The following LTN1 variants were observed in gnomAD, a reference collection of about 807,000 sequenced individuals.
LTN1 encodes E3 ubiquitin-protein ligase listerin.
LTN1 carries 88 observed loss-of-function variants against 201.2 expected under a neutral mutation model. That is an observed-to-expected ratio of 0.44 (90% CI 0.37 to 0.52). The LOEUF is 0.52. Ranked by LOEUF, LTN1 falls within the 20% of genes least tolerant of loss-of-function variation. The probability of loss-of-function intolerance (pLI) is 0.00; values close to 1 mark genes in which losing one functional copy is unlikely to be tolerated. For synonymous variants in LTN1, 645 were observed against 713.5 expected, an observed-to-expected ratio of 0.90 and a Z score of 1.53; for missense variants, 1,752 against 2,038.7, an observed-to-expected ratio of 0.86 and a Z score of 2.71.
At chr21:28,989,571 G>A (rs1264838203) in intron 1 of LTN1, among the ~76,000 whole-genome samples, 4 of 151,934 alleles carry the variant, frequency 2.6e-5, no homozygotes, top group African/African-American at 9.7e-5. Flanking sequence ...CCAAACCAAG[G>A]AAGACTTACA....
intron 7 of LTN1, 127 bp from the exon 8 acceptor site, chr21:28,970,869 T>G (rs1176669798): frequency 6.7e-6 from 4 of 598,090 alleles, no homozygotes; most frequent in Non-Finnish European, 1.1e-5. Flanking sequence ...CTAAAATCTT[T>G]CACCACCATT....
rs1378774811 is a variant in LTN1, at chr21:28,986,093, C to A, written c.345+46G>T. 1 of 1,165,192 alleles carries A rather than the reference C, an allele frequency of 8.6e-7. No individual in the cohort carries two copies. The highest frequency in any genetic ancestry group is 1.3e-5 in the South Asian group (1 of 79,498). 72.2% of individuals were successfully genotyped at this position (1,165,192 alleles called of 1,614,324 possible). ...ATTTGAGAGTCTCCATGACTCCAACCAAAAAATATACAACAGAAATAAACT... is the reference window on the plus strand; with the variant it reads ...ATTTGAGAGTCTCCATGACTCCAACAAAAAAATATACAACAGAAATAAACT... On this transcript the variant is annotated intron_variant, in intron 3 of 29. Transcript: ENST00000361371. This position sits in a 1 kb window ranked among gnomAD's most constrained non-coding sequence, Gnocchi z 4.1.
chr21:28,944,562 G>A lies in LTN1; in HGVS notation c.3803C>T (p.Pro1268Leu), dbSNP rs1395573412. The A allele has an allele frequency of 5.6e-6, 9 of 1,613,616 alleles. No individual in the cohort carries two copies. The highest frequency in any genetic ancestry group is 7.6e-6 in the Non-Finnish European group (9 of 1,179,856). ...TSENQALYSI[P>L]LVQLFACVSC... ...GACACAGGCAAACAGTTGCACAAGT[G>A]GAATAGAATACAATGCCTGATTCTC... is the stretch of plus-strand genomic sequence containing the variant. The change falls in exon 22 of 30, where the codon CCA becomes CTA. Residue 1268 changes from proline to leucine, a missense_variant. Transcript: ENST00000361371.
intron 1 of LTN1, 145 bp downstream of exon 1, chr21:28,992,619 C>T: frequency 1.3e-6 from 1 of 792,744 alleles, no homozygotes; most frequent in Non-Finnish European, 2.0e-6. Flanking sequence ...CTCTCAGGGA[C>T]GCACACACAA....
chr21:28,944,470 G>T lies in LTN1; in HGVS notation c.3895C>A (p.Leu1299Ile). Reference protein sequence around the residue: ...DSTTLDTIGNLPVNLISEWKE... With the variant: ...DSTTLDTIGNIPVNLISEWKE... ...CATTCACTGATTAGATTTACAGGAA[G>T]ATTGCCAATGGTATCCAGAGTTGTG... Residue 1299 changes from leucine to isoleucine, a missense_variant, in exon 22 of 30, where the codon CTT (leucine) becomes ATT (isoleucine). Around this residue, in one of 3 missense-constraint regions of LTN1, gnomAD observed 1,211 missense variants for 1,312.8 expected, o/e 0.92. Coordinates refer to ENST00000361371, the MANE Select transcript of LTN1 (RefSeq NM_015565.3). 6.2e-7 allele frequency: 1 copy of T among 1,613,942 alleles called. No homozygotes were observed. The highest frequency in any genetic ancestry group is 1.3e-5 in the African/African-American group (1 of 75,032).
At chr21:28,966,126 G>A (rs2084520358) in intron 10 of LTN1, among the ~76,000 whole-genome samples, 2 of 152,096 alleles carry the variant, frequency 1.3e-5, no homozygotes, top group South Asian at 2.1e-4. Context: ...AAACTAAAAT[G>A]TTCTTATCCA....
At chr21:28,981,694 T>C (rs1261906012) in intron 5 of LTN1, among the ~76,000 whole-genome samples, 20 of 152,208 alleles carry the variant, frequency 1.3e-4, no homozygotes, top group Non-Finnish European at 2.6e-4. Context: ...CTATTTATAT[T>C]CTTCAACTAT....
chr21:28,970,837 C>A (rs936330680), intron 7 of LTN1, 95 bp from the exon 8 acceptor site: 2 of 948,160 alleles, frequency 2.1e-6, no homozygotes, highest in Admixed American at 6.5e-5. Context: ...AAAGAAAAAC[C>A]AAGTATTTTA....
At chr21:28,936,396 G>A in intron 26 of LTN1, 130 bp downstream of exon 26, 1 of 596,950 alleles carries the variant, frequency 1.7e-6, no homozygotes, top group Non-Finnish European at 2.8e-6. Context: ...TATGGAAAAT[G>A]GTCAATTTCA....
intron 25 of LTN1, among the ~76,000 whole-genome samples, chr21:28,938,548 C>T (rs1449058179): frequency 2.6e-5 from 4 of 152,010 alleles, no homozygotes; most frequent in Non-Finnish European, 5.9e-5. Flanking sequence ...CACACATATA[C>T]GACCCAGCAA....
rs1291602407 is a variant in LTN1, at chr21:28,992,746, G to C, written c.42+18C>G. The stretch of plus-strand genomic sequence containing the variant: ...TCGAAGCGAGGCTCCCGGGTCGGCC[G>C]AGCCAGCCCCCGCTCACCCTCAGGT... On this transcript the variant is annotated intron_variant, in intron 1 of 29. Coordinates refer to ENST00000361371, the MANE Select transcript of LTN1 (RefSeq NM_015565.3). The C allele has an allele frequency of 6.2e-7, 1 of 1,613,782 alleles. No homozygotes were observed. The highest frequency in any genetic ancestry group is 2.2e-5 in the East Asian group (1 of 44,884).
At position 28,966,549 on chromosome 21, in the gene LTN1, C is replaced by G; in HGVS notation, c.1942G>C (p.Glu648Gln). The G allele has an allele frequency of 6.2e-7, 1 of 1,614,110 alleles. No individual in the cohort carries two copies. The highest frequency in any genetic ancestry group is 8.5e-7 in the Non-Finnish European group (1 of 1,180,020). The change falls in exon 10 of 30, where the codon GAA (glutamate) becomes CAA (glutamine). Residue 648 changes from glutamate to glutamine, a missense_variant. Transcript: ENST00000361371. ...TTTTTTTGTACAAGCTTGGCTATTT[C>G]AAGAGGTTTGGCTTGGACAATACTC... ...KQSIVQAKPL[E>Q]IAKLVQKNPA... is the part of the protein sequence containing the mutation.
intron 6 of LTN1, among the ~76,000 whole-genome samples, chr21:28,975,938 T>C (rs2084611798): frequency 6.6e-6 from 1 of 152,184 alleles, no homozygotes; most frequent in Non-Finnish European, 1.5e-5. Context: ...TGCAACAACA[T>C]GAATGAATCT....
Sources: gnomAD v4.1 joint callset for allele counts (sites outside exome capture counted in the v4.1 genomes callset) on GRCh38, gnomAD v4.1.1 for gene constraint, gnomAD v4.1.1 regional missense constraint, Gnocchi (gnomAD v3.1) non-coding constraint, MANE v1.5 for transcripts, NCBI Gene and HGNC (gene_info 2026-07-23, HGNC 2026-07-21) for gene names.